KIAA0825: variants seen among roughly 807,000 people sequenced by gnomAD.
KIAA0825 encodes the protein uncharacterized protein KIAA0825.
In KIAA0825, 119 loss-of-function variants were observed where a neutral mutation model predicts 147.6. That is an observed-to-expected ratio of 0.81 (90% CI 0.69 to 0.94). KIAA0825 has a LOEUF of 0.94. KIAA0825 is among the 40% of genes least tolerant of loss of function. KIAA0825 has a pLI of 0.00. For missense variants in KIAA0825, 1,381 were observed against 1,472.7 expected, an observed-to-expected ratio of 0.94 and a Z score of 1.02; for synonymous variants, 470 against 518.1, an observed-to-expected ratio of 0.91 and a Z score of 1.26.
At chr5:94,376,996 T>G (rs1173109604) in intron 20 of KIAA0825, among the ~76,000 whole-genome samples, 1 of 152,304 alleles carries the variant, frequency 6.6e-6, no homozygotes, top group East Asian at 1.9e-4. Context: ...GTGTACAGTT[T>G]CAGGCCAGAG....
At chr5:94,408,843 A>T (rs1043407622) in intron 15 of KIAA0825, among the ~76,000 whole-genome samples, 1 of 152,224 alleles carries the variant, frequency 6.6e-6, no homozygotes, top group Non-Finnish European at 1.5e-5. Flanking sequence ...TCTGGTGTGA[A>T]TTTTTCTTGT....
intron 3 of KIAA0825, among the ~76,000 whole-genome samples, chr5:94,536,610 TA>T (rs2151332649): frequency 6.6e-6 from 1 of 152,344 alleles, no homozygotes; most frequent in East Asian, 1.9e-4. Flanking sequence ...GAAAGAATCA[TA>T]AAATGACCAA....
chr5:94,426,573 A>G (rs1490045610), intron 14 of KIAA0825, among the ~76,000 whole-genome samples: 2 of 152,200 alleles, frequency 1.3e-5, no homozygotes, highest in Admixed American at 1.3e-4. Context: ...GTCAGAGGCT[A>G]CTGAAGAAAG....
At chr5:94,502,301 AATCT>A (rs1434130155) in intron 5 of KIAA0825, among the ~76,000 whole-genome samples, 1 of 152,206 alleles carries the variant, frequency 6.6e-6, no homozygotes, top group African/African-American at 2.4e-5. Flanking sequence ...GCAAGTCAAC[AATCT>A]ATTAAGATAA....
intron 15 of KIAA0825, 82 bp from the exon 16 acceptor site, chr5:94,403,875 AT>A: frequency 8.6e-7 from 1 of 1,169,466 alleles, no homozygotes; most frequent in Non-Finnish European, 1.2e-6. Flanking sequence ...CAGTTTTGTA[AT>A]CATCTAGTTT....
chr5:94,350,503 T>C (rs1247271624), intron 20 of KIAA0825, among the ~76,000 whole-genome samples: 2 of 152,136 alleles, frequency 1.3e-5, no homozygotes, highest in Non-Finnish European at 2.9e-5. Context: ...ACTGATATCC[T>C]TGATGAACAT....
chr5:94,586,541 C>T (rs1226923067), intron 1 of KIAA0825, among the ~76,000 whole-genome samples: 2 of 152,052 alleles, frequency 1.3e-5, no homozygotes, highest in African/African-American at 4.8e-5. Context: ...CTGAAATAGG[C>T]AATAATTAAT....
chr5:94,427,252 T>C (rs1302101727), intron 14 of KIAA0825, among the ~76,000 whole-genome samples: 1 of 152,160 alleles, frequency 6.6e-6, no homozygotes, highest in Non-Finnish European at 1.5e-5. Flanking sequence ...TAGAAAAGCA[T>C]GCTAGGCATG....
chr5:94,481,083 C>G (rs2151029784), intron 6 of KIAA0825, among the ~76,000 whole-genome samples: 1 of 152,146 alleles, frequency 6.6e-6, no homozygotes, highest in South Asian at 2.1e-4. Flanking sequence ...AATCTATACA[C>G]TTATTATCAT....
At chr5:94,187,798 A>G (rs1238941288) in intron 20 of KIAA0825, among the ~76,000 whole-genome samples, 1 of 152,208 alleles carries the variant, frequency 6.6e-6, no homozygotes, top group Non-Finnish European at 1.5e-5. Context: ...ATTGTCAGCA[A>G]TGATTAAACT....
At chr5:94,255,098 C>A (rs1776175675) in intron 20 of KIAA0825, among the ~76,000 whole-genome samples, 1 of 150,564 alleles carries the variant, frequency 6.6e-6, no homozygotes, top group African/African-American at 2.4e-5. Context: ...GCACGAGGAC[C>A]ATGTCTTATA....
intron 2 of KIAA0825, among the ~76,000 whole-genome samples, chr5:94,558,698 G>C (rs1440220448): frequency 1.3e-5 from 2 of 152,138 alleles, no homozygotes; most frequent in African/African-American, 4.8e-5. Flanking sequence ...GGAGTACTCT[G>C]GCACTTGAGA....
intron 1 of KIAA0825, among the ~76,000 whole-genome samples, chr5:94,614,587 T>C (rs1789884213): frequency 6.6e-6 from 1 of 152,166 alleles, no homozygotes; most frequent in South Asian, 2.1e-4. Flanking sequence ...TCTGACACCT[T>C]TGCATCTTCC....
At position 94,490,278 on chromosome 5, in the gene KIAA0825, C is replaced by T. The variant is rs188820588; in HGVS notation, c.971-5348G>A. ...AAAAACAAAGTGAATGAAATCCCAT[C>T]GATCCTAGAAATAGTTAGGTTCAGG... On this transcript the variant is annotated intron_variant, in intron 5 of 20. Transcript: ENST00000682413. Among the ~76,000 whole-genome samples the T allele has an allele frequency of 1.8e-3, 268 of 152,144 alleles. 1 individual carries two copies. The highest frequency in any genetic ancestry group is 6.3e-3 in the African/African-American group (261 of 41,528).
intron 20 of KIAA0825, among the ~76,000 whole-genome samples, chr5:94,283,076 C>T (rs1384743417): frequency 6.6e-6 from 1 of 151,892 alleles, no homozygotes; most frequent in Admixed American, 6.6e-5. Context: ...TGTAAACATT[C>T]AAGACTAAAA....
chr5:94,584,454 A>T (rs938506034), intron 1 of KIAA0825, among the ~76,000 whole-genome samples: 1 of 152,238 alleles, frequency 6.6e-6, no homozygotes, highest in South Asian at 2.1e-4. Context: ...TTGAAGACCA[A>T]ATTAATGAAA....
At chr5:94,386,142 C>T in intron 19 of KIAA0825, 100 bp downstream of exon 19, 1 of 1,080,948 alleles carries the variant, frequency 9.3e-7, no homozygotes, top group Non-Finnish European at 1.3e-6. Context: ...TGCTTCCTAG[C>T]AAAATAAGCT....
intron 20 of KIAA0825, among the ~76,000 whole-genome samples, chr5:94,159,180 C>T (rs1422277564): frequency 6.6e-6 from 1 of 152,122 alleles, no homozygotes; most frequent in Non-Finnish European, 1.5e-5. Context: ...TATGGCTCCA[C>T]CTGTCTTGTT....
chr5:94,501,133 T>C (rs1000712599), intron 5 of KIAA0825, among the ~76,000 whole-genome samples: 3 of 152,182 alleles, frequency 2.0e-5, no homozygotes, highest in Non-Finnish European at 4.4e-5. Flanking sequence ...ACATTAAAGA[T>C]AAAACAAAGT....
Sources: gnomAD v4.1 joint callset for allele counts (sites outside exome capture counted in the v4.1 genomes callset) on GRCh38, gnomAD v4.1.1 for gene constraint, MANE v1.5 for transcripts, NCBI Gene and HGNC (gene_info 2026-07-23, HGNC 2026-07-21) for gene names.